The following RBKS variants were observed in gnomAD, a reference collection of about 807,000 sequenced individuals.
RBKS encodes ribokinase.
In RBKS, 33 loss-of-function variants were observed where a neutral mutation model predicts 33.9. The observed-to-expected ratio is 0.97, with a 90% CI of 0.74 to 1.30. The LOEUF (loss-of-function observed/expected upper bound fraction) is 1.30. RBKS is among the 50% of genes most tolerant of loss of function. The pLI, the probability that RBKS is intolerant of heterozygous loss-of-function variation, is 0.00. For synonymous variants in RBKS, 125 were observed against 143.0 expected, an observed-to-expected ratio of 0.87 and a Z score of 0.90; for missense variants, 361 against 392.6, an observed-to-expected ratio of 0.92 and a Z score of 0.68.
intron 7 of RBKS, among the ~76,000 whole-genome samples, chr2:27,820,975 G>A (rs1251044219): frequency 1.3e-5 from 2 of 148,846 alleles, no homozygotes; most frequent in Admixed American, 6.9e-5. Flanking sequence ...GGGAGGCAGA[G>A]GTTGCGGTGA....
In RBKS at chr2:27,810,875, C is replaced by G. The variant is rs75000313; in HGVS notation, c.795+16692G>C. Among the ~76,000 whole-genome samples the G allele has an allele frequency of 5.6e-3, 858 of 152,316 alleles. 5 individuals carry two copies. The highest frequency in any genetic ancestry group is 0.01 in the Non-Finnish European group (702 of 68,036). The stretch of plus-strand genomic sequence containing the variant: ...TCCAATTTATTCTTCACACAGCAGC[C>G]ATATTAATCTTTTTATAAAGTATAA... On this transcript the variant is annotated intron_variant, in intron 7 of 7. Coordinates refer to ENST00000302188, the MANE Select transcript of RBKS (RefSeq NM_022128.3). This position sits in a 1 kb window ranked among gnomAD's most constrained non-coding sequence, Gnocchi z 4.4.
At chr2:27,799,194 G>A (rs540331508) in intron 7 of RBKS, among the ~76,000 whole-genome samples, 1 of 152,314 alleles carries the variant, frequency 6.6e-6, no homozygotes, top group East Asian at 1.9e-4. Flanking sequence ...TAGAAAAGGG[G>A]ACAAGTTGGA....
intron 4 of RBKS, among the ~76,000 whole-genome samples, chr2:27,844,015 C>G (rs535281084): frequency 6.6e-6 from 1 of 151,930 alleles, no homozygotes; most frequent in Non-Finnish European, 1.5e-5. Context: ...ATTTCTAGCA[C>G]TTTGGGAGGC....
intron 2 of RBKS, among the ~76,000 whole-genome samples, chr2:27,849,199 A>T (rs1663684406): frequency 6.6e-6 from 1 of 152,014 alleles, no homozygotes; most frequent in Non-Finnish European, 1.5e-5. Context: ...CTTTTTAAAA[A>T]TTTTATTTTA....
At chr2:27,802,188 G>T in intron 7 of RBKS, among the ~76,000 whole-genome samples, 1 of 150,224 alleles carries the variant, frequency 6.7e-6, no homozygotes, top group African/African-American at 2.5e-5. Flanking sequence ...ACTATTTTGA[G>T]GAGAGTGGCA....
intron 7 of RBKS, among the ~76,000 whole-genome samples, chr2:27,789,915 G>C (rs1164401120): frequency 3.3e-5 from 4 of 121,080 alleles, no homozygotes; most frequent in Non-Finnish European, 6.7e-5. Context: ...GTGTGTGTGT[G>C]TTTGTGTGTG....
chr2:27,834,876 C>A (rs1018123157), intron 5 of RBKS, among the ~76,000 whole-genome samples: 7 of 152,162 alleles, frequency 4.6e-5, no homozygotes, highest in African/African-American at 1.7e-4. Flanking sequence ...ACCCATCCTA[C>A]AGAAATCCAT....
At chr2:27,869,843 C>T (rs1377941240) in intron 1 of RBKS, 1 of 152,816 alleles carries the variant, frequency 6.5e-6, no homozygotes, top group African/African-American at 2.4e-5. Flanking sequence ...GAAAACTCTG[C>T]TTCACAAAGA....
intron 7 of RBKS, among the ~76,000 whole-genome samples, chr2:27,806,711 T>C (rs1352404343): frequency 6.6e-6 from 1 of 152,196 alleles, no homozygotes; most frequent in Non-Finnish European, 1.5e-5. Flanking sequence ...ACCTTCAAAA[T>C]CTGTAGCATA....
chr2:27,783,016 T>G (rs889798491), intron 7 of RBKS, among the ~76,000 whole-genome samples: 2 of 152,254 alleles, frequency 1.3e-5, no homozygotes, highest in African/African-American at 4.8e-5. Flanking sequence ...TTCTTTGGGC[T>G]ATAATTCAAT....
At chr2:27,889,999 T>TG (rs1664685479) in intron 1 of RBKS, 2 of 382,420 alleles carry the variant, frequency 5.2e-6, no homozygotes, top group South Asian at 1.2e-4. Flanking sequence ...GGCAGGTCTT[T>TG]GGGGAGCGCT....
chr2:27,830,493 T>C (rs893183040), intron 6 of RBKS, among the ~76,000 whole-genome samples: 1 of 152,168 alleles, frequency 6.6e-6, no homozygotes, highest in African/African-American at 2.4e-5. Context: ...CTTGAACTCC[T>C]GACCTCATGA....
chr2:27,843,335 ATG>A (rs1558548087), intron 4 of RBKS, 104 bp from the exon 5 acceptor site: 5 of 823,148 alleles, frequency 6.1e-6, no homozygotes, highest in East Asian at 2.8e-5. Flanking sequence ...ATTATACAAA[ATG>A]TGTTATTAAG....
chr2:27,873,784 A>G (rs1257906829), intron 1 of RBKS, among the ~76,000 whole-genome samples: 1 of 152,112 alleles, frequency 6.6e-6, no homozygotes, highest in African/African-American at 2.4e-5. Context: ...ATTTTTGACC[A>G]TGAGAGACAA....
chr2:27,879,449 T>G (rs1434438016), intron 1 of RBKS, among the ~76,000 whole-genome samples: 1 of 152,088 alleles, frequency 6.6e-6, no homozygotes, highest in Non-Finnish European at 1.5e-5. Flanking sequence ...TGGGAGTGGG[T>G]TTGTTATCAA....
chr2:27,877,636 C>A (rs903072984), intron 1 of RBKS, among the ~76,000 whole-genome samples: 1 of 152,048 alleles, frequency 6.6e-6, no homozygotes, highest in African/African-American at 2.4e-5. Context: ...GGGATTCTTT[C>A]CAAGGACTCT....
At chr2:27,842,020 A>G (rs968258186) in intron 5 of RBKS, among the ~76,000 whole-genome samples, 3 of 152,114 alleles carry the variant, frequency 2.0e-5, no homozygotes, top group Non-Finnish European at 2.9e-5. Flanking sequence ...TTGGCATCCT[A>G]TTTTATTTTA....
At chr2:27,867,906 T>C (rs1451859237) in intron 1 of RBKS, among the ~76,000 whole-genome samples, 1 of 152,160 alleles carries the variant, frequency 6.6e-6, no homozygotes, top group African/African-American at 2.4e-5. Context: ...AAGGGTTTGG[T>C]GGAACAAAGT....
chr2:27,868,910 A>C (rs1490251074), intron 1 of RBKS, among the ~76,000 whole-genome samples: 1 of 152,236 alleles, frequency 6.6e-6, no homozygotes, highest in East Asian at 1.9e-4. Context: ...ATAATGGCAG[A>C]TATTTCTAGA....
Sources: gnomAD v4.1 joint callset for allele counts (sites outside exome capture counted in the v4.1 genomes callset) on GRCh38, gnomAD v4.1.1 for gene constraint, Gnocchi (gnomAD v3.1) non-coding constraint, MANE v1.5 for transcripts, NCBI Gene and HGNC (gene_info 2026-07-23, HGNC 2026-07-21) for gene names.